The following ACER3 variants were observed in gnomAD, a reference collection of about 807,000 sequenced individuals.
The protein encoded by ACER3 is alkaline ceramidase 3.
In ACER3, 16 loss-of-function variants were observed where a neutral mutation model predicts 48.9. The ratio of observed to expected loss-of-function variants is 0.33; its 90% CI spans 0.22 to 0.50. The LOEUF is 0.50. ACER3 is among the 20% of genes least tolerant of loss of function. The pLI, the probability that ACER3 is intolerant of heterozygous loss-of-function variation, is 0.98. For missense variants in ACER3, 227 were observed against 326.0 expected, an observed-to-expected ratio of 0.70 and a Z score of 2.34; for synonymous variants, 109 against 107.8, an observed-to-expected ratio of 1.01 and a Z score of -0.07.
chr11:76,880,779 G>T (rs1181742161), intron 1 of ACER3, among the ~76,000 whole-genome samples: 1 of 152,188 alleles, frequency 6.6e-6, no homozygotes, highest in African/African-American at 2.4e-5. Context: ...GCCATGGGGA[G>T]AAATAGCAAG....
intron 1 of ACER3, among the ~76,000 whole-genome samples, chr11:76,900,974 T>C (rs1380813498): frequency 6.6e-6 from 1 of 152,246 alleles, no homozygotes; most frequent in African/African-American, 2.4e-5. Flanking sequence ...CACAATTTTC[T>C]CCAACAGGAA....
At chr11:76,898,096 A>C (rs181064542) in intron 1 of ACER3, among the ~76,000 whole-genome samples, 1 of 152,166 alleles carries the variant, frequency 6.6e-6, no homozygotes, top group Admixed American at 6.5e-5. Flanking sequence ...TTATTATAGT[A>C]TAGACTGGTT....
intron 5 of ACER3, among the ~76,000 whole-genome samples, chr11:76,986,433 T>C (rs1421173569): frequency 1.3e-5 from 2 of 152,198 alleles, no homozygotes. Flanking sequence ...GCACTTGCAC[T>C]AGAATTTAAC....
chr11:76,908,570 A>G (rs1195716284), intron 1 of ACER3, among the ~76,000 whole-genome samples: 2 of 152,200 alleles, frequency 1.3e-5, no homozygotes, highest in Admixed American at 6.5e-5. Context: ...AAGGAGAACT[A>G]CAAACCACTG....
At chr11:77,015,540 A>C (rs1436320930) in intron 8 of ACER3, among the ~76,000 whole-genome samples, 1 of 152,204 alleles carries the variant, frequency 6.6e-6, no homozygotes, top group Non-Finnish European at 1.5e-5. Flanking sequence ...CTTGTCAGCA[A>C]TCATATATTG....
At chr11:77,016,844 T>A in intron 9 of ACER3, 65 bp downstream of exon 9, 1 of 785,204 alleles carries the variant, frequency 1.3e-6, no homozygotes, top group Non-Finnish European at 2.0e-6. Flanking sequence ...CTTTACTCTT[T>A]AAATAGGATG....
At chr11:76,999,379 G>GT (rs11407818) in intron 7 of ACER3, among the ~76,000 whole-genome samples, 104,141 of 148,632 alleles carry the variant, frequency 0.7, 36,699 homozygotes, top group Non-Finnish European at 0.75. Flanking sequence ...TTGTGGGTTT[G>GT]TTTTTTTTTT....
intron 9 of ACER3, among the ~76,000 whole-genome samples, chr11:77,018,402 A>G (rs538046016): frequency 1.1e-4 from 16 of 152,324 alleles, no homozygotes; most frequent in Non-Finnish European, 1.9e-4. Flanking sequence ...ATTCCCTAAG[A>G]GAAAGCAAAA....
intron 2 of ACER3, among the ~76,000 whole-genome samples, chr11:76,952,720 G>A (rs1351848182): frequency 6.9e-6 from 1 of 144,306 alleles, no homozygotes; most frequent in Non-Finnish European, 1.5e-5. Context: ...AGGCTGGAGT[G>A]CAGTGGCACA....
At chr11:76,867,468 CAAAAAAAAAAAAAAAA>C (rs1156610809) in intron 1 of ACER3, among the ~76,000 whole-genome samples, 2 of 19,636 alleles carry the variant, frequency 1.0e-4, no homozygotes, top group Admixed American at 8.8e-4. Context: ...GACTCTGTCT[CAAAAAAAAAAAAAAAA>C]AAAAAAAAAA....
At chr11:76,990,287 G>A (rs558961339) in intron 5 of ACER3, among the ~76,000 whole-genome samples, 6 of 152,280 alleles carry the variant, frequency 3.9e-5, no homozygotes, top group Admixed American at 2.0e-4. Context: ...CTGATGCAGA[G>A]TTTGGAGTGG....
chr11:76,882,200 T>A (rs1945545997), intron 1 of ACER3, among the ~76,000 whole-genome samples: 1 of 151,890 alleles, frequency 6.6e-6, no homozygotes, highest in Admixed American at 6.6e-5. Context: ...AGAGATGGGG[T>A]TTCACCGTGT....
chr11:77,005,771 C>A (rs1949122510), intron 7 of ACER3, among the ~76,000 whole-genome samples: 1 of 151,634 alleles, frequency 6.6e-6, no homozygotes, highest in African/African-American at 2.4e-5. Flanking sequence ...GCCCACCCTA[C>A]TCTAATATAA....
chr11:76,878,219 C>T (rs1487196393), intron 1 of ACER3, among the ~76,000 whole-genome samples: 3 of 151,944 alleles, frequency 2.0e-5, no homozygotes, highest in African/African-American at 2.4e-5. Flanking sequence ...AGGTCATGCT[C>T]ATATTCAACT....
At chr11:76,917,291 A>G (rs1946558101) in intron 1 of ACER3, among the ~76,000 whole-genome samples, 1 of 152,226 alleles carries the variant, frequency 6.6e-6, no homozygotes, top group Non-Finnish European at 1.5e-5. Context: ...TGGTGGTTTA[A>G]AAATATTTTT....
At chr11:76,872,929 T>G (rs1945282870) in intron 1 of ACER3, among the ~76,000 whole-genome samples, 1 of 144,052 alleles carries the variant, frequency 6.9e-6, no homozygotes, top group Admixed American at 6.9e-5. Flanking sequence ...TTTTTTTTTT[T>G]GAGACAGGGT....
intron 2 of ACER3, among the ~76,000 whole-genome samples, chr11:76,942,376 A>T (rs1394724494): frequency 6.6e-6 from 1 of 151,896 alleles, no homozygotes; most frequent in Non-Finnish European, 1.5e-5. Context: ...TTATGAAAGG[A>T]TGTTGAGTTT....
intron 7 of ACER3, among the ~76,000 whole-genome samples, chr11:77,005,036 CTTTTTTT>C (rs57411582): frequency 4.4e-5 from 5 of 112,866 alleles, no homozygotes; most frequent in African/African-American, 9.3e-5. Context: ...TAAACTTTTT[CTTTTTTT>C]TTTTTTTTTT....
intron 5 of ACER3, 97 bp from the exon 6 acceptor site, chr11:76,990,442 A>C: frequency 1.2e-6 from 1 of 865,294 alleles, no homozygotes; most frequent in Non-Finnish European, 2.0e-6. Flanking sequence ...AGATGGGGGA[A>C]GCAGGAGAGG....
Sources: allele counts gnomAD v4.1 joint callset (sites outside exome capture counted in the v4.1 genomes callset), GRCh38; gene constraint gnomAD v4.1.1; transcripts MANE v1.5; gene names NCBI Gene and HGNC (gene_info 2026-07-23, HGNC 2026-07-21).